The following TRAPPC9 variants were observed in gnomAD, a reference collection of about 807,000 sequenced individuals.
The protein encoded by TRAPPC9 is IKK2 binding protein.
A neutral mutation model predicts 124.0 loss-of-function variants in TRAPPC9; 83 were observed. The observed-to-expected ratio is 0.67, with a 90% CI of 0.56 to 0.80. TRAPPC9 has a LOEUF of 0.80. Among genes scored for constraint, TRAPPC9 ranks in the 30% least tolerant of loss-of-function variants. The pLI is 0.00. For missense variants in TRAPPC9, 1,302 were observed against 1,508.3 expected (o/e 0.86, Z 2.27); for synonymous variants, 638 against 617.5 (o/e 1.03, Z -0.49).
chr8:139,920,695 C>A (rs559254199), intron 19 of TRAPPC9, among the ~76,000 whole-genome samples: 2 of 152,336 alleles, frequency 1.3e-5, no homozygotes, highest in East Asian at 3.9e-4. Context: ...TTTTCCAAAG[C>A]GTCATGTTCA....
At chr8:140,262,369 C>T (rs1011217348) in intron 15 of TRAPPC9, among the ~76,000 whole-genome samples, 3 of 150,898 alleles carry the variant, frequency 2.0e-5, no homozygotes, top group South Asian at 2.1e-4. Flanking sequence ...TCCATGCTCC[C>T]GAGGCGTTGA....
chr8:140,435,808 C>T lies in TRAPPC9; in HGVS notation c.731-568G>A, dbSNP rs534796016. 1.1e-4 allele frequency among the ~76,000 whole-genome samples: 17 copies of T among 152,308 alleles called. 1 individual carries two copies. The highest frequency in any genetic ancestry group is 5.9e-4 in the Admixed American group (9 of 15,290). Reference sequence around the variant, plus strand: ...TACACAGTCCGTTCTTCTCTCATGACGTAACAACCTAATAATCTCCAGCTA... The same window carrying T: ...TACACAGTCCGTTCTTCTCTCATGATGTAACAACCTAATAATCTCCAGCTA... On this transcript the variant is annotated intron_variant, in intron 3 of 22. Transcript: ENST00000438773.
chr8:140,252,691 C>T lies in TRAPPC9; in HGVS notation c.2431+86G>A, dbSNP rs1399743342. ...TAATGAATGACAAGTGAGTTACAAA[C>T]AGCAAACAGCAGGCATCAAGGGATG... On this transcript the variant is annotated intron_variant, in intron 16 of 22. Transcript: ENST00000438773. The surrounding 1 kb of genome is among the most constrained non-coding windows in gnomAD (Gnocchi z 4.2). 1.3e-6 allele frequency: 2 copies of T among 1,513,418 alleles called. No homozygotes were observed. Among genetic ancestry groups the T allele is most frequent in the Non-Finnish European group, 1.8e-6 (2 of 1,101,130 alleles). The allele number at this position is 1,513,418 out of a possible 1,614,324, so 93.7% of individuals were successfully genotyped here.
chr8:139,788,997 C>G lies in TRAPPC9; in HGVS notation c.3056-56795G>C, dbSNP rs756144709. On this transcript the variant is annotated intron_variant, in intron 21 of 22. Coordinates refer to ENST00000438773, the MANE Select transcript of TRAPPC9 (RefSeq NM_001160372.4). This position sits in a 1 kb window ranked among gnomAD's most constrained non-coding sequence, Gnocchi z 4.9. ...GAATTCTTTCTGAGAAACATTCTAT[C>G]CATGAAGATGCAAACAAATTATGGG... Among the ~76,000 whole-genome samples, 3 of 152,222 alleles carry G rather than the reference C, an allele frequency of 2.0e-5. No homozygotes were observed. Among genetic ancestry groups the G allele is most frequent in the African/African-American group, 4.8e-5 (2 of 41,450 alleles).
At chr8:140,434,995 A>T in intron 4 of TRAPPC9, 117 bp downstream of exon 4, 1 of 1,512,356 alleles carries the variant, frequency 6.6e-7, no homozygotes, top group Non-Finnish European at 8.9e-7. Flanking sequence ...TTACTGACTC[A>T]ACAGATTTTA....
chr8:139,768,673 G>A (rs537280565), intron 21 of TRAPPC9, among the ~76,000 whole-genome samples: 1 of 152,096 alleles, frequency 6.6e-6, no homozygotes, highest in Non-Finnish European at 1.5e-5. Flanking sequence ...ATCAACAGGG[G>A]TTATCTAAAC....
At chr8:140,321,344 A>C (rs2066591287) in intron 9 of TRAPPC9, among the ~76,000 whole-genome samples, 1 of 152,210 alleles carries the variant, frequency 6.6e-6, no homozygotes, top group South Asian at 2.1e-4. Flanking sequence ...GCTTGTTCCC[A>C]TTCAGCTCCG....
intron 19 of TRAPPC9, among the ~76,000 whole-genome samples, chr8:139,961,669 C>T (rs1017956910): frequency 0.8 from 96,661 of 121,386 alleles, 43,578 homozygotes; most frequent in East Asian, 0.98. Context: ...ACCCTCCCCT[C>T]ATCCCTGCAG....
intron 21 of TRAPPC9, among the ~76,000 whole-genome samples, chr8:139,805,512 A>G (rs1434572607): frequency 6.6e-6 from 1 of 152,160 alleles, no homozygotes; most frequent in Non-Finnish European, 1.5e-5. Flanking sequence ...TGCCAAGAAA[A>G]TGTTTATTGA....
At chr8:140,209,222 G>A (rs1039876503) in intron 17 of TRAPPC9, among the ~76,000 whole-genome samples, 6 of 152,200 alleles carry the variant, frequency 3.9e-5, no homozygotes, top group Admixed American at 1.3e-4. Context: ...GTTTGTCCAC[G>A]TGGTATTTGT....
At chr8:140,417,757 T>C (rs11166977) in intron 5 of TRAPPC9, among the ~76,000 whole-genome samples, 151,881 of 152,190 alleles carry the variant, frequency 1, 75,787 homozygotes, top group Middle Eastern at 1. Context: ...AAGACACATG[T>C]ACATGTATGT....
At chr8:140,168,670 G>A (rs1306764340) in intron 17 of TRAPPC9, among the ~76,000 whole-genome samples, 5 of 152,126 alleles carry the variant, frequency 3.3e-5, no homozygotes, top group Admixed American at 2.0e-4. Flanking sequence ...GTCCTCCCTC[G>A]AAGGCAAGGA....
intron 17 of TRAPPC9, among the ~76,000 whole-genome samples, chr8:140,172,664 C>G (rs2061989571): frequency 6.6e-6 from 1 of 152,178 alleles, no homozygotes; most frequent in African/African-American, 2.4e-5. Context: ...TCCTGACACT[C>G]AGAAATGCCG....
chr8:140,361,962 G>A (rs763553498), intron 8 of TRAPPC9, among the ~76,000 whole-genome samples: 9 of 152,224 alleles, frequency 5.9e-5, no homozygotes, highest in Non-Finnish European at 1.0e-4. Context: ...ATTTGAAGAC[G>A]TTGCTCCAAG....
intron 21 of TRAPPC9, among the ~76,000 whole-genome samples, chr8:139,882,565 G>A (rs1829736366): frequency 6.6e-6 from 1 of 152,142 alleles, no homozygotes; most frequent in Admixed American, 6.5e-5. Flanking sequence ...ACCCTGCACT[G>A]AGCCCAGCTG....
chr8:140,047,247 C>T (rs985889706), intron 17 of TRAPPC9, among the ~76,000 whole-genome samples: 1 of 152,258 alleles, frequency 6.6e-6, no homozygotes, highest in Admixed American at 6.5e-5. Flanking sequence ...ACGCACAAAA[C>T]ACATGCTCCT....
chr8:140,052,117 C>T (rs746416457), intron 17 of TRAPPC9, among the ~76,000 whole-genome samples: 2 of 151,920 alleles, frequency 1.3e-5, no homozygotes. Context: ...AAGAGGGGTG[C>T]GGCCTTCTGC....
At chr8:139,949,639 A>G (rs1253575590) in intron 19 of TRAPPC9, among the ~76,000 whole-genome samples, 1 of 152,254 alleles carries the variant, frequency 6.6e-6, no homozygotes, top group Admixed American at 6.5e-5. Context: ...TAAAGCAGCC[A>G]GTCACAACAG....
intron 19 of TRAPPC9, among the ~76,000 whole-genome samples, chr8:139,914,568 T>C (rs1003814130): frequency 1.3e-5 from 2 of 152,142 alleles, no homozygotes; most frequent in African/African-American, 2.4e-5. Flanking sequence ...GGCCTGACAC[T>C]TCCCTGAGCA....
Sources: allele counts gnomAD v4.1 joint callset (sites outside exome capture counted in the v4.1 genomes callset), GRCh38; gene constraint gnomAD v4.1.1; non-coding constraint Gnocchi (gnomAD v3.1); transcripts MANE v1.5; gene names NCBI Gene and HGNC (gene_info 2026-07-23, HGNC 2026-07-21).